KHDRBS2: variants seen among roughly 807,000 people sequenced by gnomAD.
KHDRBS2 encodes the protein KH domain-containing, RNA-binding, signal transduction-associated protein 2.
KHDRBS2 carries 26 observed loss-of-function variants against 44.3 expected under a neutral mutation model. That is an observed-to-expected ratio of 0.59 (90% confidence interval 0.43 to 0.81). The LOEUF (loss-of-function observed/expected upper bound fraction) is 0.81. Ranked by LOEUF, KHDRBS2 falls within the 40% of genes least tolerant of loss-of-function variation. The pLI, the probability that KHDRBS2 is intolerant of heterozygous loss-of-function variation, is 0.00. For missense variants in KHDRBS2, 476 were observed against 433.1 expected (o/e 1.10, Z -0.88); for synonymous variants, 194 against 151.1 (o/e 1.28, Z -2.08).
intron 1 of KHDRBS2, among the ~76,000 whole-genome samples, chr6:62,219,746 T>C (rs1192721385): frequency 6.7e-6 from 1 of 149,812 alleles, no homozygotes; most frequent in Admixed American, 6.7e-5. Context: ...AGGGCTGAAG[T>C]TGCACATCTT....
In KHDRBS2 at chr6:61,762,140, A is replaced by T. The variant is rs560471384; in HGVS notation, c.811-29376T>A. Among the ~76,000 whole-genome samples, 78 of 152,314 alleles carry T rather than the reference A, an allele frequency of 5.1e-4. 1 individual carries two copies. In the South Asian group the frequency reaches 0.015, roughly 29 times the overall value. ...ATGACCAGCTTAGCATAAGTCAAGG[A>T]CACAGTATTCTATGAGAATAAAATA... On this transcript the variant is annotated intron_variant, in intron 6 of 8. Coordinates refer to ENST00000281156, the MANE Select transcript of KHDRBS2 (RefSeq NM_152688.4).
chr6:61,732,963 A>C (rs1774728091), intron 6 of KHDRBS2, among the ~76,000 whole-genome samples, 199 bp from the exon 7 acceptor site: 1 of 152,210 alleles, frequency 6.6e-6, no homozygotes, highest in Non-Finnish European at 1.5e-5. Context: ...AATGTTTATT[A>C]AACTCAGCAT....
At chr6:61,993,317 C>T (rs909640740) in intron 3 of KHDRBS2, among the ~76,000 whole-genome samples, 17 of 151,966 alleles carry the variant, frequency 1.1e-4, no homozygotes, top group African/African-American at 4.1e-4. Context: ...CACCACCTAC[C>T]TATATTTACA....
the KHDRBS2 span, among the ~76,000 whole-genome samples, chr6:61,552,707 AG>A: frequency 1.3e-5 from 2 of 152,158 alleles, no homozygotes; most frequent in East Asian, 1.9e-4. Context: ...TTTAACATAA[AG>A]GGATGTTGAA....
intron 6 of KHDRBS2, among the ~76,000 whole-genome samples, chr6:61,875,395 A>G (rs1197070205): frequency 6.6e-6 from 1 of 152,098 alleles, no homozygotes; most frequent in Non-Finnish European, 1.5e-5. Context: ...AGGGTAAACA[A>G]AAAGGCCCTG....
chr6:62,251,309 G>T (rs1337850034), intron 1 of KHDRBS2, among the ~76,000 whole-genome samples: 1 of 151,786 alleles, frequency 6.6e-6, no homozygotes. Context: ...ATAACTTGAA[G>T]ATAAGTTATA....
chr6:61,965,438 G>A (rs758439606), intron 4 of KHDRBS2, among the ~76,000 whole-genome samples: 12 of 152,126 alleles, frequency 7.9e-5, no homozygotes, highest in East Asian at 1.9e-4. Context: ...TTGGAGAAAC[G>A]TGTAGTTTTC....
intron 1 of KHDRBS2, among the ~76,000 whole-genome samples, chr6:62,180,754 C>T (rs1822102664): frequency 6.6e-6 from 1 of 151,598 alleles, no homozygotes. Flanking sequence ...TGAGAAAATA[C>T]ACAACTGGAG....
intron 6 of KHDRBS2, among the ~76,000 whole-genome samples, chr6:61,803,343 A>G (rs1786591993): frequency 6.6e-6 from 1 of 152,182 alleles, no homozygotes; most frequent in Non-Finnish European, 1.5e-5. Flanking sequence ...GGTTATGGGC[A>G]TCCTTTGAAG....
intron 2 of KHDRBS2, among the ~76,000 whole-genome samples, chr6:62,173,945 C>T (rs758296513): frequency 1.3e-5 from 2 of 151,994 alleles, no homozygotes; most frequent in African/African-American, 4.8e-5. Context: ...GAAAAACCCA[C>T]AGCCAACATA....
intron 1 of KHDRBS2, among the ~76,000 whole-genome samples, chr6:62,236,777 T>C (rs796438694): frequency 4.6e-5 from 7 of 152,280 alleles, no homozygotes; most frequent in African/African-American, 1.7e-4. Flanking sequence ...GGTATATTTC[T>C]ATATTGATAA....
At chr6:61,571,817 A>C in the KHDRBS2 span, among the ~76,000 whole-genome samples, 2 of 152,130 alleles carry the variant, frequency 1.3e-5, no homozygotes, top group East Asian at 3.8e-4. Flanking sequence ...CATTGTACAA[A>C]AGCAGTACTA....
chr6:61,586,799 G>C, the KHDRBS2 span, among the ~76,000 whole-genome samples: 18 of 152,220 alleles, frequency 1.2e-4, no homozygotes, highest in African/African-American at 4.3e-4. Context: ...GGGCCCTGAA[G>C]ATAGCATTCA....
At chr6:61,997,211 G>A (rs1048586182) in intron 3 of KHDRBS2, among the ~76,000 whole-genome samples, 26 of 152,122 alleles carry the variant, frequency 1.7e-4, no homozygotes, top group African/African-American at 6.0e-4. Flanking sequence ...TCTTCTTAAA[G>A]TGTAGCTTTT....
At chr6:62,174,214 C>G (rs1204101154) in intron 2 of KHDRBS2, among the ~76,000 whole-genome samples, 1 of 151,792 alleles carries the variant, frequency 6.6e-6, no homozygotes, top group East Asian at 1.9e-4. Flanking sequence ...AGCTAAGTTT[C>G]AGGATACAAA....
chr6:62,169,170 T>A (rs1610005), intron 2 of KHDRBS2, among the ~76,000 whole-genome samples: 1 of 28,512 alleles, frequency 3.5e-5, no homozygotes, highest in African/African-American at 9.4e-5. Flanking sequence ...TACACATATA[T>A]GTATATATGT....
At chr6:61,903,761 T>G (rs905107600) in intron 4 of KHDRBS2, among the ~76,000 whole-genome samples, 3 of 152,164 alleles carry the variant, frequency 2.0e-5, no homozygotes, top group Non-Finnish European at 4.4e-5. Flanking sequence ...TTCTTCTTAC[T>G]GGAAACCCTT....
chr6:61,712,882 T>TG lies in KHDRBS2; in HGVS notation c.894-15630dup, dbSNP rs1562010600. Among the ~76,000 whole-genome samples the TG allele has an allele frequency of 9.5e-4, 145 of 151,876 alleles. 1 individual carries two copies. Among genetic ancestry groups the TG allele is most frequent in the African/African-American group, 3.3e-3 (138 of 41,508 alleles). ...TATAATTTAATAGTACTGAATATTA[T>TG]GTAACTCAAGTCCACAATTATTTAT... On this transcript the variant is annotated intron_variant, in intron 7 of 8. Transcript: ENST00000281156.
intron 6 of KHDRBS2, among the ~76,000 whole-genome samples, chr6:61,869,829 A>G (rs1431901770): frequency 3.3e-5 from 5 of 152,102 alleles, no homozygotes; most frequent in African/African-American, 1.2e-4. Context: ...GCCGGCCCAG[A>G]TACTGTGCTT....
Sources: allele counts gnomAD v4.1 joint callset (sites outside exome capture counted in the v4.1 genomes callset), GRCh38; gene constraint gnomAD v4.1.1; transcripts MANE v1.5; gene names NCBI Gene and HGNC (gene_info 2026-07-23, HGNC 2026-07-21).